TMIGD1: variants seen among roughly 807,000 people sequenced by gnomAD.
TMIGD1 encodes the protein transmembrane and immunoglobulin domain containing 1, also known as transmembrane and immunoglobulin domain-containing protein 1.
In TMIGD1, 29 loss-of-function variants were observed where a neutral mutation model predicts 27.5. That is an observed-to-expected ratio of 1.05 (90% CI 0.78 to 1.44). TMIGD1 has a LOEUF of 1.44. TMIGD1 is among the 40% of genes most tolerant of loss of function. The pLI is 0.00. For synonymous variants in TMIGD1, 109 were observed against 110.3 expected (o/e 0.99, Z 0.07); for missense variants, 334 against 310.6 (o/e 1.08, Z -0.57).
chr17:30,324,967 A>G lies in TMIGD1; in HGVS notation c.489T>C (p.Asp163=). 6.2e-7 allele frequency: 1 copy of G among 1,614,152 alleles called. No homozygotes were observed. Among genetic ancestry groups the G allele is most frequent in the Non-Finnish European group, 8.5e-7 (1 of 1,179,994 alleles). The change falls in exon 4 of 7, where the codon GAT becomes GAC. Residue 163 remains aspartate, a synonymous_variant. Coordinates refer to ENST00000328886, the MANE Select transcript of TMIGD1 (RefSeq NM_206832.3). ...MMWYKNSSLL[D]LEKSRHQIQQ... is the part of the protein sequence containing the mutation. ...GGATTTGGTGACGGCTTTTCTCTAA[A>G]TCGAGGAGACTACTGTTTTTGTACC...
chr17:30,326,365 C>T (rs1909774272), intron 3 of TMIGD1, among the ~76,000 whole-genome samples: 1 of 152,172 alleles, frequency 6.6e-6, no homozygotes. Context: ...CTGGTCACTT[C>T]CTGATCCCCA....
intron 3 of TMIGD1, among the ~76,000 whole-genome samples, chr17:30,327,045 TACACACACACACACAC>T (rs60346282): frequency 6.8e-6 from 1 of 146,490 alleles, no homozygotes; most frequent in Non-Finnish European, 1.5e-5. Flanking sequence ...CAATTAACTA[TACACACACACACACAC>T]ACACACACAC....
intron 4 of TMIGD1, among the ~76,000 whole-genome samples, chr17:30,320,161 C>T (rs747229400): frequency 1.3e-5 from 2 of 151,940 alleles, no homozygotes; most frequent in Non-Finnish European, 2.9e-5. Context: ...CCTCAGCCTC[C>T]CGAGTAGCTG....
intron 4 of TMIGD1, among the ~76,000 whole-genome samples, chr17:30,323,492 T>A (rs546046598): frequency 1.3e-5 from 2 of 152,304 alleles, no homozygotes; most frequent in South Asian, 4.1e-4. Context: ...CCGTGGGAAG[T>A]AGCTAAGCAA....
intron 4 of TMIGD1, among the ~76,000 whole-genome samples, chr17:30,321,303 G>A (rs1032133176): frequency 2.6e-5 from 4 of 151,976 alleles, no homozygotes; most frequent in Non-Finnish European, 5.9e-5. Flanking sequence ...GCAGGACCCC[G>A]TTTCTTAAAA....
At position 30,327,488 on chromosome 17, in the gene TMIGD1, C is replaced by A. The variant is rs563861006; in HGVS notation, c.361+1763G>T. Reference sequence around the variant, plus strand: ...GAAGCTTGGGAATTAGTGTTTTATTCTCAGCTGCACCTATGATTTGAGCCC... The same window carrying A: ...GAAGCTTGGGAATTAGTGTTTTATTATCAGCTGCACCTATGATTTGAGCCC... On this transcript the variant is annotated intron_variant, in intron 3 of 6. Transcript: ENST00000328886. Among the ~76,000 whole-genome samples the A allele has an allele frequency of 2.6e-5, 4 of 152,038 alleles. No homozygotes were observed. The South Asian group carries it at 8.3e-4, about 32-fold the overall frequency.
intron 3 of TMIGD1, among the ~76,000 whole-genome samples, chr17:30,327,533 C>T (rs1378178700): frequency 6.7e-6 from 1 of 150,056 alleles, no homozygotes; most frequent in African/African-American, 2.5e-5. Context: ...GCCTTAGTTT[C>T]CTTAGCTGGC....
At chr17:30,332,382 G>A (rs1012575370) in intron 1 of TMIGD1, among the ~76,000 whole-genome samples, 7 of 152,156 alleles carry the variant, frequency 4.6e-5, no homozygotes, top group African/African-American at 1.4e-4. Flanking sequence ...CAGGAAATAG[G>A]CTATGACAGA....
chr17:30,329,301 C>T lies in TMIGD1; in HGVS notation c.311G>A (p.Arg104Lys). 1.2e-6 allele frequency: 2 copies of T among 1,614,116 alleles called. No individual in the cohort carries two copies. The highest frequency in any genetic ancestry group is 1.1e-5 in the South Asian group (1 of 91,072). ...ENDNGISFTC[R>K]LGRDQSVSVS... ...GGACACGGACTGATCCCTCCCCAGC[C>T]TGCAGGTAAAGCTGATTCCGTTGTC... is the stretch of plus-strand genomic sequence containing the variant. Residue 104 changes from arginine (R) to lysine (K), a missense_variant, in exon 3 of 7, where the codon AGG becomes AAG. Physicochemically the swap from Arg to Lys is conservative, Grantham distance 26. Transcript: ENST00000328886.
intron 4 of TMIGD1, among the ~76,000 whole-genome samples, chr17:30,321,588 G>A (rs1909623037): frequency 6.6e-6 from 1 of 152,166 alleles, no homozygotes; most frequent in Non-Finnish European, 1.5e-5. Flanking sequence ...AGGCTCCTCT[G>A]CCTTCGTGGA....
intron 4 of TMIGD1, among the ~76,000 whole-genome samples, chr17:30,322,471 G>A (rs1243794233): frequency 1.3e-5 from 2 of 152,162 alleles, no homozygotes; most frequent in East Asian, 1.9e-4. Flanking sequence ...GAAGCCACAT[G>A]TGACAGCTCT....
chr17:30,326,068 G>A (rs1909764682), intron 3 of TMIGD1, among the ~76,000 whole-genome samples: 1 of 152,166 alleles, frequency 6.6e-6, no homozygotes, highest in Admixed American at 6.5e-5. Context: ...TAGACCCTGA[G>A]TAGGCTGTGT....
At chr17:30,316,868 T>C in intron 6 of TMIGD1, 178 bp from the exon 7 acceptor site, 1 of 668,546 alleles carries the variant, frequency 1.5e-6, no homozygotes, top group Non-Finnish European at 2.6e-6. Context: ...ATGAATGTGG[T>C]TCCTGGCCTT....
Position 30,324,801 on chromosome 17 carries a change from T to C in TMIGD1, c.640+15A>G, listed in dbSNP as rs199804744. Reference sequence around the variant, plus strand: ...GTTTTGCACTGTGCTGGGTATTACTTAAAAAGAGCATTACCTTTAACAATC... The same window carrying C: ...GTTTTGCACTGTGCTGGGTATTACTCAAAAAGAGCATTACCTTTAACAATC... On this transcript the variant is annotated intron_variant, in intron 4 of 6. Transcript: ENST00000328886. 6.2e-4 allele frequency: 997 copies of C among 1,612,108 alleles called. 13 individuals carry two copies. The highest frequency in any genetic ancestry group is 9.9e-4 in the Middle Eastern group (6 of 6,080).
chr17:30,327,007 G>C (rs1410808452), intron 3 of TMIGD1, among the ~76,000 whole-genome samples: 1 of 151,696 alleles, frequency 6.6e-6, no homozygotes, highest in Non-Finnish European at 1.5e-5. Flanking sequence ...ATGACTTTGT[G>C]TCAGTACTGT....
chr17:30,324,698 A>G lies in TMIGD1; in HGVS notation c.640+118T>C, dbSNP rs532826172. 136 of 1,262,298 alleles carry G rather than the reference A, an allele frequency of 1.1e-4. No homozygotes were observed. The African/African-American group carries it at 1.9e-3, about 18-fold the overall frequency. 78.2% of individuals were successfully genotyped at this position (1,262,298 alleles called of 1,614,324 possible). ...AATCCTTGGATGGGGATGATTCTCC[A>G]AAGAAAATCCTGGCCCTAATCATAA... On this transcript the variant is annotated intron_variant, in intron 4 of 6. Coordinates refer to ENST00000328886, the MANE Select transcript of TMIGD1 (RefSeq NM_206832.3).
chr17:30,331,308 A>G (rs529338241), intron 2 of TMIGD1, among the ~76,000 whole-genome samples: 75 of 142,926 alleles, frequency 5.2e-4, no homozygotes, highest in African/African-American at 1.7e-3. Context: ...ATTTGGGGGG[A>G]TTTGTACTTT....
chr17:30,331,088 G>A lies in TMIGD1; in HGVS notation c.82+964C>T, dbSNP rs184679668. Among the ~76,000 whole-genome samples, 57 of 152,148 alleles carry A rather than the reference G, an allele frequency of 3.7e-4. 1 individual carries two copies. The highest frequency in any genetic ancestry group is 1.1e-3 in the African/African-American group (44 of 41,506). On this transcript the variant is annotated intron_variant, in intron 2 of 6. Coordinates refer to ENST00000328886, the MANE Select transcript of TMIGD1 (RefSeq NM_206832.3). ...CGGGCTCCTGTAATCCCAGCTACTC[G>A]GGAGGCTGAGGCAGGAGAATCACTT...
intron 6 of TMIGD1, 194 bp downstream of exon 6, chr17:30,316,999 G>A: frequency 1.5e-6 from 1 of 663,924 alleles, no homozygotes; most frequent in Non-Finnish European, 2.6e-6. Flanking sequence ...AGGACTAAAG[G>A]TGTTCTCTAT....
Sources: gnomAD v4.1 joint callset for allele counts (sites outside exome capture counted in the v4.1 genomes callset) on GRCh38, gnomAD v4.1.1 for gene constraint, MANE v1.5 for transcripts, NCBI Gene and HGNC (gene_info 2026-07-23, HGNC 2026-07-21) for gene names.